SIPA1L2: variants seen among roughly 807,000 people sequenced by gnomAD.
SIPA1L2 encodes signal-induced proliferation-associated 1-like protein 2.
A neutral mutation model predicts 163.9 loss-of-function variants in SIPA1L2; 56 were observed. The observed-to-expected ratio is 0.34, with a 90% CI of 0.28 to 0.43. The LOEUF (loss-of-function observed/expected upper bound fraction) is 0.43, where lower values mean the gene tolerates loss of function less well. Among genes scored for constraint, SIPA1L2 ranks in the 20% least tolerant of loss-of-function variants. The probability of loss-of-function intolerance (pLI) is 1.00; values close to 1 mark genes in which losing one functional copy is unlikely to be tolerated. For synonymous variants in SIPA1L2, 877 were observed against 865.7 expected (o/e 1.01, Z -0.23); for missense variants, 1,974 against 2,193.5 (o/e 0.90, Z 2.00).
At chr1:232,450,944 A>C (rs1052193544) in intron 10 of SIPA1L2, among the ~76,000 whole-genome samples, 5 of 152,342 alleles carry the variant, frequency 3.3e-5, no homozygotes, top group Admixed American at 3.3e-4. Flanking sequence ...CCTTGTGCAG[A>C]AAGTCATATA....
chr1:232,547,403 G>T (rs1035439893), intron 2 of SIPA1L2, among the ~76,000 whole-genome samples: 1 of 151,384 alleles, frequency 6.6e-6, no homozygotes, highest in Admixed American at 6.6e-5. Context: ...TGGTCTCGGT[G>T]TAACAATCAG....
chr1:232,625,476 G>A (rs1263798688), intron 1 of SIPA1L2, among the ~76,000 whole-genome samples: 2 of 152,186 alleles, frequency 1.3e-5, no homozygotes, highest in East Asian at 1.9e-4. Flanking sequence ...TGACATCAGC[G>A]CAAGATGGAA....
At chr1:232,581,774 A>T (rs1012647010) in intron 1 of SIPA1L2, among the ~76,000 whole-genome samples, 1 of 152,164 alleles carries the variant, frequency 6.6e-6, no homozygotes, top group African/African-American at 2.4e-5. Flanking sequence ...TATGCCCTAA[A>T]GGTTCCTGCC....
chr1:232,423,382 C>T (rs1210962542), intron 18 of SIPA1L2, among the ~76,000 whole-genome samples: 1 of 152,166 alleles, frequency 6.6e-6, no homozygotes, highest in South Asian at 2.1e-4. Flanking sequence ...GGCCTCCAAA[C>T]AATTAGATTC....
chr1:232,437,150 A>G (rs569830835), intron 15 of SIPA1L2, among the ~76,000 whole-genome samples: 34 of 152,324 alleles, frequency 2.2e-4, no homozygotes, highest in African/African-American at 7.9e-4. Context: ...CAATAAACGA[A>G]TGTACTCTGA....
At chr1:232,595,320 T>C (rs1661200301) in intron 1 of SIPA1L2, among the ~76,000 whole-genome samples, 1 of 151,718 alleles carries the variant, frequency 6.6e-6, no homozygotes, top group Admixed American at 6.5e-5. Flanking sequence ...GCCTTCACTC[T>C]AATAAACTGG....
chr1:232,541,935 A>ATCTCTCTCTCTCTCTCTC lies in SIPA1L2; in HGVS notation c.-269-26345_-269-26328dup, dbSNP rs59407464. Among the ~76,000 whole-genome samples the ATCTCTCTCTCTCTCTCTC allele has an allele frequency of 2.9e-3, 424 of 148,300 alleles. 7 individuals are homozygous for ATCTCTCTCTCTCTCTCTC. Among genetic ancestry groups the ATCTCTCTCTCTCTCTCTC allele is most frequent in the African/African-American group, 9.7e-3 (390 of 40,006 alleles). ...TGTTAAATCTTGGGCTGAGCCTTAA[A>ATCTCTCTCTCTCTCTCTC]TCTCTCTCTCTCTCTCTCTCTGTAT... On this transcript the variant is annotated intron_variant, in intron 2 of 22. Coordinates refer to ENST00000674635, the MANE Select transcript of SIPA1L2 (RefSeq NM_020808.5).
intron 3 of SIPA1L2, among the ~76,000 whole-genome samples, chr1:232,501,909 C>T (rs1047235492): frequency 2.0e-5 from 3 of 151,318 alleles, no homozygotes; most frequent in Non-Finnish European, 4.4e-5. Flanking sequence ...CTTTCATATA[C>T]CCTGCCTTCC....
intron 1 of SIPA1L2, among the ~76,000 whole-genome samples, chr1:232,578,105 C>T (rs1660174103): frequency 6.6e-6 from 1 of 152,188 alleles, no homozygotes; most frequent in Non-Finnish European, 1.5e-5. Flanking sequence ...GATTCTCCAC[C>T]CGCAAAAAGA....
intron 16 of SIPA1L2, among the ~76,000 whole-genome samples, chr1:232,431,054 T>C (rs777980503): frequency 3.9e-5 from 6 of 152,224 alleles, no homozygotes; most frequent in African/African-American, 9.6e-5. Flanking sequence ...GCATTAAAAC[T>C]GTCCGAATGG....
At chr1:232,488,207 C>G (rs997200657) in intron 5 of SIPA1L2, among the ~76,000 whole-genome samples, 1 of 152,196 alleles carries the variant, frequency 6.6e-6, no homozygotes, top group African/African-American at 2.4e-5. Context: ...CCCACCTTGG[C>G]CTTCCAAAGT....
chr1:232,460,849 AG>A (rs1664196397), intron 10 of SIPA1L2, 37 bp downstream of exon 10: 2 of 1,594,428 alleles, frequency 1.3e-6, no homozygotes, highest in South Asian at 2.3e-5. Context: ...ACAGAGGCAA[AG>A]GAGGAGTGAG....
chr1:232,424,413 G>A (rs933334199), intron 18 of SIPA1L2, among the ~76,000 whole-genome samples: 1 of 145,240 alleles, frequency 6.9e-6, no homozygotes, highest in Non-Finnish European at 1.5e-5. Flanking sequence ...CATAACACAC[G>A]TACCACAGAG....
intron 1 of SIPA1L2, among the ~76,000 whole-genome samples, chr1:232,592,853 A>G (rs1661036251): frequency 6.6e-6 from 1 of 152,096 alleles, no homozygotes. Flanking sequence ...CTCTCCTTAA[A>G]TCCTCTATTT....
intron 2 of SIPA1L2, among the ~76,000 whole-genome samples, chr1:232,560,740 A>C (rs1241264872): frequency 3.9e-5 from 6 of 152,208 alleles, no homozygotes; most frequent in African/African-American, 1.4e-4. Flanking sequence ...CCAGAAATCA[A>C]AGCTTCTAAG....
intron 10 of SIPA1L2, 83 bp downstream of exon 10, chr1:232,460,804 G>A (rs1163795572): frequency 2.7e-6 from 4 of 1,499,494 alleles, no homozygotes; most frequent in South Asian, 1.3e-5. Context: ...CATTTTCTGA[G>A]GACCTTGCAG....
At chr1:232,431,830 A>T (rs1662262198) in intron 16 of SIPA1L2, among the ~76,000 whole-genome samples, 2 of 152,220 alleles carry the variant, frequency 1.3e-5, no homozygotes, top group Admixed American at 1.3e-4. Flanking sequence ...AACAACTAAA[A>T]GGAAAATTGG....
At chr1:232,577,004 C>A (rs768858952) in intron 1 of SIPA1L2, among the ~76,000 whole-genome samples, 37 of 152,300 alleles carry the variant, frequency 2.4e-4, no homozygotes, top group Middle Eastern at 6.8e-3. Context: ...CTATGTAAAT[C>A]AAACAGCCTT....
intron 21 of SIPA1L2, 153 bp from the exon 22 acceptor site, chr1:232,402,626 TG>T: frequency 1.7e-6 from 1 of 575,122 alleles, no homozygotes. Flanking sequence ...TCCATATTGC[TG>T]ATCTAGTGGA....
Sources: allele counts gnomAD v4.1 joint callset (sites outside exome capture counted in the v4.1 genomes callset), GRCh38; gene constraint gnomAD v4.1.1; transcripts MANE v1.5; gene names NCBI Gene and HGNC (gene_info 2026-07-23, HGNC 2026-07-21).